ACSBG1: variants seen among roughly 807,000 people sequenced by gnomAD.
The protein encoded by ACSBG1 is long-chain-fatty-acid--CoA ligase ACSBG1.
Under a neutral mutation model 80.2 loss-of-function variants are expected in ACSBG1, and 39 were observed. The observed-to-expected ratio is 0.49, with a 90% CI of 0.38 to 0.64. The LOEUF (loss-of-function observed/expected upper bound fraction) is 0.64. Ranked by LOEUF, ACSBG1 falls within the 30% of genes least tolerant of loss-of-function variation. ACSBG1 has a pLI of 0.00. For missense variants in ACSBG1, 828 were observed against 966.4 expected, an observed-to-expected ratio of 0.86 and a Z score of 1.90; for synonymous variants, 392 against 379.5, an observed-to-expected ratio of 1.03 and a Z score of -0.38.
chr15:78,207,085 G>A (rs1325729084), intron 2 of ACSBG1, among the ~76,000 whole-genome samples: 1 of 152,240 alleles, frequency 6.6e-6, no homozygotes, highest in African/African-American at 2.4e-5. Context: ...CAGCAAGTCA[G>A]CAAGATGCCT....
chr15:78,215,459 C>T (rs2141375836), intron 1 of ACSBG1, among the ~76,000 whole-genome samples: 2 of 152,198 alleles, frequency 1.3e-5, no homozygotes, highest in South Asian at 4.1e-4. Context: ...GAGTTCAAGA[C>T]CAGCCTGGCC....
intron 1 of ACSBG1, among the ~76,000 whole-genome samples, chr15:78,229,048 T>A (rs2075426122): frequency 6.7e-6 from 1 of 149,800 alleles, no homozygotes; most frequent in Non-Finnish European, 1.5e-5. Context: ...TTTAAGTGTA[T>A]AATTCAGTGG....
intron 5 of ACSBG1, among the ~76,000 whole-genome samples, chr15:78,191,136 T>C (rs1304695763): frequency 6.6e-6 from 1 of 152,212 alleles, no homozygotes; most frequent in East Asian, 1.9e-4. Context: ...CAAAATACTT[T>C]TGGAACAAGA....
intron 1 of ACSBG1, among the ~76,000 whole-genome samples, chr15:78,221,204 C>T (rs1424184790): frequency 6.6e-6 from 1 of 151,968 alleles, no homozygotes; most frequent in East Asian, 1.9e-4. Context: ...CCTGCACCGG[C>T]GCCGGTCTCT....
intron 1 of ACSBG1, among the ~76,000 whole-genome samples, chr15:78,226,760 T>C (rs551882603): frequency 1.5e-3 from 100 of 65,976 alleles, no homozygotes; most frequent in Non-Finnish European, 2.9e-3. Flanking sequence ...CAATTTAATG[T>C]AGGAAATAGT....
Position 78,168,910 on chromosome 15 carries a change from T to G in ACSBG1, c.*2534A>C. 5.7e-6 allele frequency: 9 copies of G among 1,571,842 alleles called. No homozygotes were observed. Among genetic ancestry groups the G allele is most frequent in the Non-Finnish European group, 7.9e-6 (9 of 1,146,466 alleles). On this transcript the variant is annotated 3_prime_UTR_variant, in exon 14 of 14. Coordinates refer to ENST00000258873, the MANE Select transcript of ACSBG1 (RefSeq NM_015162.5). ...GGATACATCTTTTATTTTTGCTTTT[T>G]CCTTTTCTCAGAGCTTGACAAAAGA... is the stretch of plus-strand genomic sequence containing the variant.
At chr15:78,192,721 C>T (rs774881528) in intron 5 of ACSBG1, among the ~76,000 whole-genome samples, 3 of 152,172 alleles carry the variant, frequency 2.0e-5, no homozygotes, top group South Asian at 2.1e-4. Context: ...GGATCCAGAT[C>T]GCATAGTCTT....
Position 78,168,727 on chromosome 15 carries a change from A to C in ACSBG1, c.*2717T>G, listed in dbSNP as rs928061995. The C allele has an allele frequency of 1.9e-6, 1 of 523,708 alleles. No individual in the cohort carries two copies. The highest frequency in any genetic ancestry group is 1.9e-5 in the African/African-American group (1 of 53,098). 32.4% of individuals were successfully genotyped at this position (523,708 alleles called of 1,614,324 possible). A position where few individuals can be genotyped will look rare whatever the true frequency, so the allele number is the denominator to read the frequency against. On this transcript the variant is annotated 3_prime_UTR_variant, in exon 14 of 14. Transcript: ENST00000258873. ...TTCTTTGCAGAGTGCTGTTGTATAC[A>C]CTATGAGATTGGATCCCGATCCTCC...
At chr15:78,207,850 T>G (rs1293302907) in intron 2 of ACSBG1, 152 bp downstream of exon 2, 4 of 644,916 alleles carry the variant, frequency 6.2e-6, no homozygotes, top group Non-Finnish European at 1.1e-5. Context: ...AGGGGCTTGG[T>G]GGGGTCCCTG....
chr15:78,227,757 A>C (rs1174184994), intron 1 of ACSBG1, among the ~76,000 whole-genome samples: 1 of 152,244 alleles, frequency 6.6e-6, no homozygotes, highest in Non-Finnish European at 1.5e-5. Flanking sequence ...AGATTAATGG[A>C]TAAAAAAAAT....
Position 78,180,926 on chromosome 15 carries a change from AC to A in ACSBG1, c.1081del (p.Val361Ter), listed in dbSNP as rs1156457471. The A allele has an allele frequency of 6.2e-7, 1 of 1,613,884 alleles. No homozygotes were observed. The highest frequency in any genetic ancestry group is 1.3e-5 in the African/African-American group (1 of 74,928). ...AEPDALKGSL[V>X]NTLREVEPTS... ...GGGCTCCACCTCCCGCAGCGTGTTCACCAGGCTCCCCTGTTCACACCAGAAG... is the reference window on the plus strand; with the variant it reads ...GGGCTCCACCTCCCGCAGCGTGTTCACAGGCTCCCCTGTTCACACCAGAAG... On this transcript the variant is annotated frameshift_variant, in exon 9 of 14. Transcript: ENST00000258873. LOFTEE classifies it high-confidence loss of function.
At chr15:78,226,165 A>C (rs536235695) in intron 1 of ACSBG1, among the ~76,000 whole-genome samples, 2 of 152,384 alleles carry the variant, frequency 1.3e-5, no homozygotes, top group African/African-American at 4.8e-5. Context: ...TTATTTCAAA[A>C]TGTACAATTA....
At chr15:78,179,409 G>A in intron 10 of ACSBG1, 141 bp downstream of exon 10, 1 of 731,100 alleles carries the variant, frequency 1.4e-6, no homozygotes, top group Non-Finnish European at 2.2e-6. Context: ...GGCTCTCAGG[G>A]GCTCCATAGC....
intron 1 of ACSBG1, among the ~76,000 whole-genome samples, chr15:78,215,738 GAAA>G (rs1192521407): frequency 1.3e-4 from 17 of 134,570 alleles, no homozygotes; most frequent in South Asian, 4.9e-4. Flanking sequence ...AAGAAAGAAA[GAAA>G]GAAAGAAAGA....
At chr15:78,192,540 C>T (rs952782392) in intron 5 of ACSBG1, among the ~76,000 whole-genome samples, 2 of 152,222 alleles carry the variant, frequency 1.3e-5, no homozygotes, top group Non-Finnish European at 2.9e-5. Context: ...GGATGCCCTC[C>T]AAGAGGTTCT....
chr15:78,195,883 T>C (rs1001764988), intron 2 of ACSBG1, among the ~76,000 whole-genome samples: 1 of 152,152 alleles, frequency 6.6e-6, no homozygotes, highest in Non-Finnish European at 1.5e-5. Flanking sequence ...GGTCCTTCCC[T>C]GAGGCAGACA....
At chr15:78,187,006 C>T (rs997923454) in intron 5 of ACSBG1, among the ~76,000 whole-genome samples, 12 of 152,116 alleles carry the variant, frequency 7.9e-5, no homozygotes, top group African/African-American at 2.9e-4. Context: ...CCACCAATCC[C>T]ACAGAAATAC....
At chr15:78,202,888 G>A (rs1432436177) in intron 2 of ACSBG1, among the ~76,000 whole-genome samples, 2 of 152,146 alleles carry the variant, frequency 1.3e-5, no homozygotes, top group Non-Finnish European at 2.9e-5. Context: ...TATTAGCAAA[G>A]CCATTGGAAA....
In ACSBG1 at chr15:78,173,766, A is replaced by G; in HGVS notation, c.1916T>C (p.Val639Ala). The stretch of plus-strand genomic sequence containing the variant: ...GGACACTGTGGTGGCTCTGCTGCCC[A>G]CCCTCTGGCAGAACTCCATAGCTTG... ...TEQAMEFCQR[V>A]GSRATTVSEI... The change falls in exon 13 of 14, where the codon GTG becomes GCG. Residue 639 changes from valine (V) to alanine (A), a missense_variant. Val to Ala is a moderately conservative substitution (Grantham distance 64). Coordinates refer to ENST00000258873, the MANE Select transcript of ACSBG1 (RefSeq NM_015162.5). The G allele has an allele frequency of 6.2e-7, 1 of 1,613,946 alleles. No individual in the cohort carries two copies. The highest frequency in any genetic ancestry group is 8.5e-7 in the Non-Finnish European group (1 of 1,180,004).
Sources: allele counts gnomAD v4.1 joint callset (sites outside exome capture counted in the v4.1 genomes callset), GRCh38; gene constraint gnomAD v4.1.1; transcripts MANE v1.5; gene names NCBI Gene and HGNC (gene_info 2026-07-23, HGNC 2026-07-21).